TRPM6: variants seen among roughly 807,000 people sequenced by gnomAD.
The protein encoded by TRPM6 is transient receptor potential cation channel subfamily M member 6.
A neutral mutation model predicts 247.6 loss-of-function variants in TRPM6; 111 were observed. That is an observed-to-expected ratio of 0.45 (90% CI 0.38 to 0.52). The LOEUF (loss-of-function observed/expected upper bound fraction) is 0.52. Ranked by LOEUF, TRPM6 falls within the 20% of genes least tolerant of loss-of-function variation. The probability of loss-of-function intolerance (pLI) is 0.00; values close to 1 mark genes in which losing one functional copy is unlikely to be tolerated. For missense variants in TRPM6, 2,126 were observed against 2,421.5 expected, an observed-to-expected ratio of 0.88 and a Z score of 2.56; for synonymous variants, 892 against 853.8, an observed-to-expected ratio of 1.04 and a Z score of -0.78.
chr9:74,857,822 A>G (rs1270842367), intron 2 of TRPM6: 1 of 152,248 alleles, frequency 6.6e-6, no homozygotes, highest in African/African-American at 2.4e-5. Context: ...TTACCTGTTC[A>G]TCTAATCTGG....
At chr9:74,760,807 C>T (rs1373939665) in intron 27 of TRPM6, among the ~76,000 whole-genome samples, 1 of 152,096 alleles carries the variant, frequency 6.6e-6, no homozygotes, top group East Asian at 1.9e-4. Context: ...ATCATGAGGG[C>T]TCTGGCTCAT....
intron 24 of TRPM6, among the ~76,000 whole-genome samples, chr9:74,774,536 C>T (rs1298679303): frequency 6.6e-6 from 1 of 152,144 alleles, no homozygotes; most frequent in Admixed American, 6.5e-5. Context: ...TTCACAGAGT[C>T]ACCTACCACC....
intron 1 of TRPM6, among the ~76,000 whole-genome samples, chr9:74,869,131 G>C (rs946410942): frequency 6.6e-6 from 1 of 152,130 alleles, no homozygotes; most frequent in Non-Finnish European, 1.5e-5. Flanking sequence ...CAGGAAAAAG[G>C]TTGTAAAACA....
At chr9:74,881,202 A>C (rs920843722) in intron 1 of TRPM6, among the ~76,000 whole-genome samples, 12 of 152,164 alleles carry the variant, frequency 7.9e-5, no homozygotes, top group African/African-American at 2.7e-4. Flanking sequence ...CTCACCTATA[A>C]AGACAGATAT....
chr9:74,776,142 A>G (rs753678229), intron 23 of TRPM6, 66 bp from the exon 24 acceptor site: 4 of 1,387,672 alleles, frequency 2.9e-6, no homozygotes, highest in Non-Finnish European at 3.1e-6. Flanking sequence ...CAGAGTCTAT[A>G]TTTTCCAACA....
At chr9:74,857,100 CA>C (rs1367986388) in intron 2 of TRPM6, among the ~76,000 whole-genome samples, 3 of 152,078 alleles carry the variant, frequency 2.0e-5, no homozygotes, top group Non-Finnish European at 4.4e-5. Flanking sequence ...CCACCTGAAT[CA>C]ACTTGCATTC....
At chr9:74,874,248 A>C (rs999741339) in intron 1 of TRPM6, among the ~76,000 whole-genome samples, 11 of 151,956 alleles carry the variant, frequency 7.2e-5, no homozygotes, top group Admixed American at 1.3e-4. Context: ...AAACAAAAAA[A>C]AAAAAAAAAC....
intron 31 of TRPM6, among the ~76,000 whole-genome samples, chr9:74,744,868 G>A (rs118156838): frequency 3.3e-5 from 5 of 152,294 alleles, no homozygotes; most frequent in East Asian, 1.9e-4. Context: ...GCCCAATTTC[G>A]CAGATCTCTC....
chr9:74,879,931 A>C (rs1464360877), intron 1 of TRPM6, among the ~76,000 whole-genome samples: 2 of 152,192 alleles, frequency 1.3e-5, no homozygotes, highest in Non-Finnish European at 2.9e-5. Flanking sequence ...TTCCATCTGA[A>C]GGAGGCAGAT....
chr9:74,872,539 T>TCCTGCCTTATCCTC (rs1446117014), intron 1 of TRPM6, among the ~76,000 whole-genome samples: 1 of 152,164 alleles, frequency 6.6e-6, no homozygotes, highest in East Asian at 1.9e-4. Flanking sequence ...CAAGCAATTC[T>TCCTGCCTTATCCTC]CCTGCCTTAT....
At chr9:74,855,670 G>A in intron 2 of TRPM6, 105 bp from the exon 3 acceptor site, 2 of 830,878 alleles carry the variant, frequency 2.4e-6, no homozygotes, top group Non-Finnish European at 4.1e-6. Context: ...TAGAAATCAA[G>A]GTTTGCTGAA....
At chr9:74,823,313 C>T (rs139084971) in intron 7 of TRPM6, among the ~76,000 whole-genome samples, 2 of 152,314 alleles carry the variant, frequency 1.3e-5, no homozygotes, top group Non-Finnish European at 2.9e-5. Flanking sequence ...TTGCTAAGTA[C>T]TTCCAAAAAT....
intron 14 of TRPM6, among the ~76,000 whole-genome samples, chr9:74,805,192 T>A (rs368376002): frequency 6.6e-6 from 1 of 152,240 alleles, no homozygotes; most frequent in African/African-American, 2.4e-5. Context: ...GCATGAATGT[T>A]TCCATTTTTC....
rs1829133921 is a variant in TRPM6 at position 74,821,739 on chromosome 9, C to G, written c.940G>C (p.Val314Leu). 1.2e-6 allele frequency: 2 copies of G among 1,614,066 alleles called. No homozygotes were observed. Among genetic ancestry groups the G allele is most frequent in the African/African-American group, 2.7e-5 (2 of 74,926 alleles). Residue 314 changes from valine to leucine, a missense_variant, in exon 8 of 39, where the codon GTG becomes CTG. Val to Leu is a conservative substitution (Grantham distance 32). Coordinates refer to ENST00000360774, the MANE Select transcript of TRPM6 (RefSeq NM_017662.5). ...WETVKDKDPV[V>L]VCEGTGRAAD... ...GCCCTACCTGTGCCCTCACACACCA[C>G]CACTGGGTCCTTGTCCTTGACAGTC...
chr9:74,800,903 TG>T (rs200482267), intron 16 of TRPM6, among the ~76,000 whole-genome samples: 16,841 of 85,070 alleles, frequency 0.2, 1,267 homozygotes, highest in East Asian at 0.26. Context: ...TAATAAAGTG[TG>T]TTTTTTTTTT....
chr9:74,832,496 G>T (rs1474128164), intron 6 of TRPM6, among the ~76,000 whole-genome samples: 2 of 152,066 alleles, frequency 1.3e-5, no homozygotes, highest in African/African-American at 4.8e-5. Context: ...TAATTTTTTA[G>T]ATATAATAAC....
chr9:74,761,892 GA>G, intron 26 of TRPM6, 84 bp from the exon 27 acceptor site: 2 of 1,501,058 alleles, frequency 1.3e-6, no homozygotes, highest in Non-Finnish European at 1.9e-6. Flanking sequence ...AGAGAATGGG[GA>G]GAATGACAAT....
At chr9:74,792,928 G>A (rs1827961147) in intron 18 of TRPM6, among the ~76,000 whole-genome samples, 158 bp from the exon 19 acceptor site, 1 of 152,126 alleles carries the variant, frequency 6.6e-6, no homozygotes, top group South Asian at 2.1e-4. Context: ...AGGCCAAGGT[G>A]GGCAGATCAT....
intron 14 of TRPM6, 73 bp downstream of exon 14, chr9:74,807,961 C>G: frequency 6.3e-7 from 1 of 1,576,486 alleles, no homozygotes; most frequent in Non-Finnish European, 8.7e-7. Context: ...GTCTGAACTT[C>G]CAAGGCCATT....
Sources: gnomAD v4.1 joint callset for allele counts (sites outside exome capture counted in the v4.1 genomes callset) on GRCh38, gnomAD v4.1.1 for gene constraint, MANE v1.5 for transcripts, NCBI Gene and HGNC (gene_info 2026-07-23, HGNC 2026-07-21) for gene names.